The following PLEKHG1 variants were observed in gnomAD, a reference collection of about 807,000 sequenced individuals.
The protein encoded by PLEKHG1 is pleckstrin homology domain-containing family G member 1.
PLEKHG1 carries 44 observed loss-of-function variants against 100.8 expected under a neutral mutation model. That is an observed-to-expected ratio of 0.44 (90% confidence interval 0.34 to 0.56). PLEKHG1 has a LOEUF of 0.56. PLEKHG1 is among the 20% of genes least tolerant of loss of function. PLEKHG1 has a pLI of 0.01. For synonymous variants in PLEKHG1, 640 were observed against 662.5 expected (o/e 0.97, Z 0.52); for missense variants, 1,545 against 1,720.9 (o/e 0.90, Z 1.81).
At chr6:150,746,922 C>G (rs928359448) in intron 2 of PLEKHG1, among the ~76,000 whole-genome samples, 1 of 152,194 alleles carries the variant, frequency 6.6e-6, no homozygotes, top group African/African-American at 2.4e-5. Flanking sequence ...TTCAAAAATG[C>G]CTGTAACTGC....
intron 7 of PLEKHG1, among the ~76,000 whole-genome samples, chr6:150,806,232 T>G (rs1376366085): frequency 4.7e-5 from 7 of 150,404 alleles, no homozygotes; most frequent in South Asian, 4.2e-4. Context: ...GCTTTTTTTT[T>G]TTTTTTTTTT....
intron 3 of PLEKHG1, among the ~76,000 whole-genome samples, chr6:150,704,856 C>T (rs1156926769): frequency 2.6e-5 from 4 of 152,242 alleles, no homozygotes; most frequent in African/African-American, 9.6e-5. Flanking sequence ...TCCTGGCTTA[C>T]AGACGGCTGC....
chr6:150,615,718 G>A (rs900636572), intron 1 of PLEKHG1, among the ~76,000 whole-genome samples: 6 of 152,296 alleles, frequency 3.9e-5, no homozygotes, highest in East Asian at 1.9e-4. Context: ...TAAGCAGACC[G>A]GATATGAGGA....
At chr6:150,641,809 A>G (rs372503221) in intron 2 of PLEKHG1, among the ~76,000 whole-genome samples, 1 of 129,738 alleles carries the variant, frequency 7.7e-6, no homozygotes, top group South Asian at 2.5e-4. Context: ...TCTGTGATAT[A>G]TTTGGAAGTT....
intron 1 of PLEKHG1, among the ~76,000 whole-genome samples, chr6:150,630,553 GA>G (rs1404121238): frequency 2.0e-5 from 3 of 152,170 alleles, no homozygotes; most frequent in African/African-American, 7.2e-5. Flanking sequence ...CTGAGGTTGT[GA>G]ATATGGGAAA....
chr6:150,772,262 C>G (rs1784748328), intron 3 of PLEKHG1, among the ~76,000 whole-genome samples: 2 of 152,218 alleles, frequency 1.3e-5, no homozygotes, highest in African/African-American at 2.4e-5. Flanking sequence ...TGTAACCTGG[C>G]TTAGTACACA....
intron 4 of PLEKHG1, among the ~76,000 whole-genome samples, chr6:150,787,030 C>CAAAA (rs555809522): frequency 2.8e-4 from 16 of 57,744 alleles, no homozygotes; most frequent in African/African-American, 5.2e-4. Flanking sequence ...GACTCTGTCT[C>CAAAA]AAAAAAAAAA....
At chr6:150,757,349 T>C (rs1783902622) in intron 2 of PLEKHG1, among the ~76,000 whole-genome samples, 1 of 152,192 alleles carries the variant, frequency 6.6e-6, no homozygotes, top group African/African-American at 2.4e-5. Flanking sequence ...TATTTCAAAA[T>C]TTCTTGTTCA....
intron 1 of PLEKHG1, among the ~76,000 whole-genome samples, chr6:150,630,018 T>G (rs777109280): frequency 6.6e-6 from 1 of 152,202 alleles, no homozygotes; most frequent in Non-Finnish European, 1.5e-5. Flanking sequence ...CTAGCAAGTG[T>G]GATGGAGGCC....
At chr6:150,709,558 GTCT>G (rs1429347059) in intron 3 of PLEKHG1, among the ~76,000 whole-genome samples, 1 of 152,156 alleles carries the variant, frequency 6.6e-6, no homozygotes, top group Non-Finnish European at 1.5e-5. Flanking sequence ...GATTTGGAAA[GTCT>G]TCTTAAATGT....
chr6:150,737,543 C>G (rs545208822), intron 2 of PLEKHG1, among the ~76,000 whole-genome samples: 4 of 152,246 alleles, frequency 2.6e-5, no homozygotes, highest in African/African-American at 9.6e-5. Flanking sequence ...CCACCCGCCT[C>G]GGCCTCCCAA....
At chr6:150,628,527 A>AAAACACAC (rs1777594353) in intron 1 of PLEKHG1, among the ~76,000 whole-genome samples, 2 of 94,760 alleles carry the variant, frequency 2.1e-5, no homozygotes, top group Admixed American at 1.3e-4. Context: ...TAGATAGGAA[A>AAAACACAC]ACACACACAC....
chr6:150,733,928 A>T, exon 2 of PLEKHG1: 1 of 1,614,240 alleles, frequency 6.2e-7, no homozygotes, highest in African/African-American at 1.3e-5. Context: ...GGATGAGGGC[A>T]GCGAAAGGCC....
chr6:150,690,963 C>G (rs1780330060), intron 3 of PLEKHG1, among the ~76,000 whole-genome samples: 1 of 152,148 alleles, frequency 6.6e-6, no homozygotes, highest in African/African-American at 2.4e-5. Context: ...TTCACTTTCC[C>G]CATAGTCCTC....
At chr6:150,664,518 A>G (rs1470432604) in intron 3 of PLEKHG1, 1 of 152,232 alleles carries the variant, frequency 6.6e-6, no homozygotes, top group East Asian at 1.9e-4. Flanking sequence ...TATTCTCTAA[A>G]TAAAACAAAT....
At chr6:150,680,606 C>T (rs375352615) in intron 3 of PLEKHG1, among the ~76,000 whole-genome samples, 3 of 152,196 alleles carry the variant, frequency 2.0e-5, no homozygotes, top group East Asian at 3.9e-4. Context: ...TTCTAAGGGG[C>T]CATGGTCCCC....
chr6:150,637,460 C>T (rs1204952014), intron 1 of PLEKHG1, among the ~76,000 whole-genome samples: 1 of 151,574 alleles, frequency 6.6e-6, no homozygotes, highest in Non-Finnish European at 1.5e-5. Flanking sequence ...TGGTAGGCTC[C>T]TCCCTTTGAG....
intron 3 of PLEKHG1, among the ~76,000 whole-genome samples, chr6:150,665,245 C>T (rs531066842): frequency 5.3e-4 from 80 of 152,280 alleles, no homozygotes; most frequent in African/African-American, 1.8e-3. Context: ...TATTGTCACC[C>T]ACTCTTCCCC....
intron 3 of PLEKHG1, among the ~76,000 whole-genome samples, chr6:150,713,594 G>A (rs9371194): frequency 6.6e-6 from 1 of 151,902 alleles, no homozygotes; most frequent in African/African-American, 2.4e-5. Flanking sequence ...CCCCAAGGAT[G>A]GTAATTGCTG....
Sources: gnomAD v4.1 joint callset for allele counts (sites outside exome capture counted in the v4.1 genomes callset) on GRCh38, gnomAD v4.1.1 for gene constraint, MANE v1.5 for transcripts, NCBI Gene and HGNC (gene_info 2026-07-23, HGNC 2026-07-21) for gene names.